MAP1S: variants seen among roughly 807,000 people sequenced by gnomAD.
MAP1S encodes the protein microtubule associated protein 1S.
Under a neutral mutation model 60.9 loss-of-function variants are expected in MAP1S, and 27 were observed. The observed-to-expected ratio is 0.44, with a 90% CI of 0.33 to 0.61. MAP1S has a LOEUF of 0.61. MAP1S is among the 20% of genes least tolerant of loss of function. The pLI, the probability that MAP1S is intolerant of heterozygous loss-of-function variation, is 0.03. For synonymous variants in MAP1S, 826 were observed against 694.2 expected, an observed-to-expected ratio of 1.19 and a Z score of -2.98; for missense variants, 1,608 against 1,486.6, an observed-to-expected ratio of 1.08 and a Z score of -1.34.
Position 17,719,499 on chromosome 19 carries a change from G to A in MAP1S, c.-4G>A, listed in dbSNP as rs938365793. 2.2e-5 allele frequency: 27 copies of A among 1,243,732 alleles called. No homozygotes were observed. Among genetic ancestry groups the A allele is most frequent in the African/African-American group, 1.2e-4 (8 of 64,318 alleles). 77.0% of individuals were successfully genotyped at this position (1,243,732 alleles called of 1,614,324 possible). On this transcript the variant is annotated 5_prime_UTR_variant, in exon 1 of 7. Transcript: ENST00000324096. ...GGCGCCGAGAACGCCGGGGCGGCCC[G>A]AAGATGGCGGCGGTGGCTGGATCTG...
At chr19:17,720,504 A>C in intron 1 of MAP1S, 1 of 1,513,736 alleles carries the variant, frequency 6.6e-7, no homozygotes, top group East Asian at 2.5e-5. Flanking sequence ...GTCAGGAAGG[A>C]TGAGAAGGCT....
At chr19:17,733,585 G>C (rs1201570987) in intron 6 of MAP1S, among the ~76,000 whole-genome samples, 157 bp downstream of exon 6, 3 of 152,170 alleles carry the variant, frequency 2.0e-5, no homozygotes, top group Admixed American at 2.0e-4. Flanking sequence ...GGGTCTCTTC[G>C]GACTCTGATT....
rs934503485 is a variant in MAP1S at position 17,725,154 on chromosome 19, C to T, written c.409C>T (p.Pro137Ser). The change falls in exon 4 of 7, where the codon CCT becomes TCT. Residue 137 changes from proline (P) to serine (S), a missense_variant. Around this residue, in one of 4 missense-constraint regions of MAP1S, gnomAD observed 320 missense variants for 393.1 expected, o/e 0.81. Transcript: ENST00000324096. This position sits in a 1 kb window ranked among gnomAD's most constrained non-coding sequence, Gnocchi z 4.2. ...ELLLQTGGFS[P>S]HHFLQVLKDR... ...GCTGCTACAGACAGGGGGCTTCTCGCCTCACCACTTCCTCCAGGTCCTGAA... is the reference window on the plus strand; with the variant it reads ...GCTGCTACAGACAGGGGGCTTCTCGTCTCACCACTTCCTCCAGGTCCTGAA... 2 of 1,613,994 alleles carry T rather than the reference C, an allele frequency of 1.2e-6. No homozygotes were observed. Among genetic ancestry groups the T allele is most frequent in the East Asian group, 2.2e-5 (1 of 44,874 alleles).
chr19:17,733,352 A>G lies in MAP1S; in HGVS notation c.2948A>G (p.Gln983Arg). Residue 983 changes from glutamine (Q) to arginine (R), a missense_variant, in exon 6 of 7, where the codon CAG (glutamine) becomes CGG (arginine). Gln to Arg is a conservative substitution (Grantham distance 43, BLOSUM62 1). Around this residue, in one of 4 missense-constraint regions of MAP1S, gnomAD observed 1,167 missense variants for 961.4 expected, o/e 1.21. Coordinates refer to ENST00000324096, the MANE Select transcript of MAP1S (RefSeq NM_018174.6). ...ALCYVISGQD[Q>R]RKEEGMRAVL... ...TGCTACGTCATCAGTGGCCAGGACCAGCGCAAGGAGGAAGGCATGCGGGCC... is the reference window on the plus strand; with the variant it reads ...TGCTACGTCATCAGTGGCCAGGACCGGCGCAAGGAGGAAGGCATGCGGGCC... 6.2e-7 allele frequency: 1 copy of G among 1,610,878 alleles called. No individual in the cohort carries two copies.
chr19:17,723,051 T>A (rs2080385573), intron 2 of MAP1S, among the ~76,000 whole-genome samples: 1 of 151,690 alleles, frequency 6.6e-6, no homozygotes, highest in South Asian at 2.1e-4. Flanking sequence ...CACCCCCCTC[T>A]CACAGTACTG....
intron 6 of MAP1S, 61 bp downstream of exon 6, chr19:17,733,489 C>T (rs2080511846): frequency 1.5e-6 from 2 of 1,352,860 alleles, no homozygotes; most frequent in Admixed American, 5.1e-5. Flanking sequence ...GTAAAACCAC[C>T]CTCGACCCTC....
At chr19:17,720,191 C>T in intron 1 of MAP1S, 2 of 1,352,744 alleles carry the variant, frequency 1.5e-6, no homozygotes, top group Non-Finnish European at 9.5e-7. Flanking sequence ...CACCTGCAGC[C>T]ACTTGGCTCA....
chr19:17,719,720 G>A (rs1423940021), intron 1 of MAP1S, 100 bp downstream of exon 1: 2 of 387,450 alleles, frequency 5.2e-6, no homozygotes, highest in African/African-American at 2.2e-5. Context: ...CGGCGGCGGC[G>A]GGACCCGGGC....
chr19:17,729,386 C>T (rs1244087114), intron 5 of MAP1S, among the ~76,000 whole-genome samples: 13 of 152,192 alleles, frequency 8.5e-5, no homozygotes, highest in Non-Finnish European at 5.9e-5. Flanking sequence ...GCACAGGGAG[C>T]CCCTCTCAGA....
chr19:17,732,959 G>A, intron 5 of MAP1S: 1 of 525,652 alleles, frequency 1.9e-6, no homozygotes, highest in Non-Finnish European at 3.3e-6. Context: ...GGCTGAGGCA[G>A]GAGGATCACT....
chr19:17,727,243 A>C lies in MAP1S; in HGVS notation c.1859A>C (p.Glu620Ala). 9 of 1,569,232 alleles carry C rather than the reference A, an allele frequency of 5.7e-6. No individual in the cohort carries two copies. The highest frequency in any genetic ancestry group is 7.7e-6 in the Non-Finnish European group (9 of 1,162,640). ...SLELGPIPAG[E>A]EKALELPLAA... ...GAGCTGGGGCCGATCCCAGCCGGGG[A>C]GGAGAAGGCACTGGAGCTGCCTTTG... is the stretch of plus-strand genomic sequence containing the variant. Residue 620 changes from glutamate to alanine, a missense_variant, in exon 5 of 7, where the codon GAG (glutamate) becomes GCG (alanine). By Grantham distance (107) the Glu-to-Ala change is moderately radical (BLOSUM62 -1). This residue lies in a region of MAP1S where 1,167 missense variants were observed against 961.4 expected (regional missense o/e 1.21). Coordinates refer to ENST00000324096, the MANE Select transcript of MAP1S (RefSeq NM_018174.6). This position sits in a 1 kb window ranked among gnomAD's most constrained non-coding sequence, Gnocchi z 4.1.
In MAP1S at chr19:17,727,386, G is replaced by T. The variant is rs897577731; in HGVS notation, c.2002G>T (p.Ala668Ser). ...GCGGGGCGGGGAGGCCGGGCCAGAC[G>T]CCTCACCCACAGTGACCACACCCAC... ...PLRGGEAGPDASPTVTTPTVT... is the reference protein window; with the variant it reads ...PLRGGEAGPDSSPTVTTPTVT... Residue 668 changes from alanine to serine, a missense_variant, in exon 5 of 7, where the codon GCC becomes TCC. Around this residue, in one of 4 missense-constraint regions of MAP1S, gnomAD observed 1,167 missense variants for 961.4 expected, o/e 1.21. Transcript: ENST00000324096. This position sits in a 1 kb window ranked among gnomAD's most constrained non-coding sequence, Gnocchi z 4.1. The T allele has an allele frequency of 2.5e-6, 4 of 1,593,056 alleles. No individual in the cohort carries two copies. The highest frequency in any genetic ancestry group is 1.1e-5 in the South Asian group (1 of 89,286).
At position 17,726,968 on chromosome 19, in the gene MAP1S, C is replaced by A. The variant is rs1265337464; in HGVS notation, c.1584C>A (p.Asp528Glu). The A allele has an allele frequency of 1.9e-6, 3 of 1,574,690 alleles. No individual in the cohort carries two copies. The highest frequency in any genetic ancestry group is 2.6e-6 in the Non-Finnish European group (3 of 1,160,788). ...AGACCCCCCGGGAGTTGAAGAAAGACCCCAAACCGAGTGTCTCCCGGACCC... is the reference window on the plus strand; with the variant it reads ...AGACCCCCCGGGAGTTGAAGAAAGAACCCAAACCGAGTGTCTCCCGGACCC... ...EAKTPRELKK[D>E]PKPSVSRTQP... Residue 528 changes from aspartate (D) to glutamate (E), a missense_variant, in exon 5 of 7, where the codon GAC becomes GAA. Physicochemically the swap from Asp to Glu is conservative, Grantham distance 45. Around this residue, in one of 4 missense-constraint regions of MAP1S, gnomAD observed 1,167 missense variants for 961.4 expected, o/e 1.21. Coordinates refer to ENST00000324096, the MANE Select transcript of MAP1S (RefSeq NM_018174.6).
At chr19:17,722,417 A>C (rs2080378349) in intron 2 of MAP1S, among the ~76,000 whole-genome samples, 1 of 152,228 alleles carries the variant, frequency 6.6e-6, no homozygotes, top group Non-Finnish European at 1.5e-5. Context: ...GTGCCACTGC[A>C]CTTCAGCCTG....
chr19:17,722,677 A>C (rs2080380951), intron 2 of MAP1S, among the ~76,000 whole-genome samples: 1 of 148,882 alleles, frequency 6.7e-6, no homozygotes, highest in Non-Finnish European at 1.5e-5. Context: ...TGAACTCAGG[A>C]GGCAGAGGTT....
intron 2 of MAP1S, chr19:17,721,531 C>T (rs1300361594): frequency 1.5e-5 from 3 of 199,494 alleles, no homozygotes; most frequent in East Asian, 1.5e-4. Context: ...ACAAAAATAA[C>T]GGCATGGTGG....
intron 1 of MAP1S, 81 bp from the exon 2 acceptor site, chr19:17,720,855 C>A: frequency 9.0e-7 from 1 of 1,113,326 alleles, no homozygotes; most frequent in South Asian, 1.3e-5. Flanking sequence ...CGCTCCCCAC[C>A]CACGGGGTGC....
chr19:17,728,078 A>T lies in MAP1S; in HGVS notation c.2694A>T (p.Pro898=). Residue 898 remains proline (P), a synonymous_variant, in exon 5 of 7, where the codon CCA becomes CCT. Coordinates refer to ENST00000324096, the MANE Select transcript of MAP1S (RefSeq NM_018174.6). Reference sequence around the variant, plus strand: ...CTGGTGGGGACCGTGCCAGCCGACCACTCAGTGCCCGGAGTGAGCCCAGTG... The same window carrying T: ...CTGGTGGGGACCGTGCCAGCCGACCTCTCAGTGCCCGGAGTGAGCCCAGTG... The part of the protein sequence containing the change: ...GLAGGDRASR[P]LSARSEPSEK... 1 of 1,612,554 alleles carries T rather than the reference A, an allele frequency of 6.2e-7. No individual in the cohort carries two copies. The highest frequency in any genetic ancestry group is 1.1e-5 in the South Asian group (1 of 90,990).
chr19:17,727,292 A>G lies in MAP1S; in HGVS notation c.1908A>G (p.Pro636=), dbSNP rs759487295. 1.4e-5 allele frequency: 23 copies of G among 1,589,800 alleles called. No individual in the cohort carries two copies. The East Asian group carries it at 5.2e-4, about 36-fold the overall frequency. ...TGGCCGCCAGCTCAATCCCAAGGCC[A>G]CGCACACCCTCCCCTGAGTCCCACC... ...LPLAASSIPR[P]RTPSPESHRS... is the part of the protein sequence containing the mutation. The change falls in exon 5 of 7, where the codon CCA becomes CCG. Residue 636 remains proline (P), a synonymous_variant. Transcript: ENST00000324096. This position sits in a 1 kb window ranked among gnomAD's most constrained non-coding sequence, Gnocchi z 4.1.
Sources: allele counts gnomAD v4.1 joint callset (sites outside exome capture counted in the v4.1 genomes callset), GRCh38; gene constraint gnomAD v4.1.1; regional missense constraint gnomAD v4.1.1; non-coding constraint Gnocchi (gnomAD v3.1); transcripts MANE v1.5; gene names NCBI Gene and HGNC (gene_info 2026-07-23, HGNC 2026-07-21).